Variants in ACTR3C observed in about 807,000 individuals in gnomAD.
ACTR3C encodes actin related protein 3C.
ACTR3C carries 18 observed loss-of-function variants against 26.3 expected under a neutral mutation model. That is an observed-to-expected ratio of 0.68 (90% CI 0.47 to 1.01). The LOEUF is 1.01. Ranked by LOEUF, ACTR3C falls within the 50% of genes least tolerant of loss-of-function variation. ACTR3C has a pLI of 0.00. For synonymous variants in ACTR3C, 55 were observed against 94.5 expected, an observed-to-expected ratio of 0.58 and a Z score of 2.42; for missense variants, 184 against 250.7, an observed-to-expected ratio of 0.73 and a Z score of 1.80.
At chr7:150,249,261 G>T (rs1469361934) in intron 6 of ACTR3C, among the ~76,000 whole-genome samples, 1 of 152,024 alleles carries the variant, frequency 6.6e-6, no homozygotes, top group Non-Finnish European at 1.5e-5. Context: ...AATGAATGAA[G>T]TGCTTTTCCA....
chr7:150,079,161 A>G, the ACTR3C span, among the ~76,000 whole-genome samples: 2 of 152,170 alleles, frequency 1.3e-5, no homozygotes, highest in South Asian at 2.1e-4. Context: ...CAGGTCACTT[A>G]CGTGACTTCT....
At chr7:150,198,080 G>C in the ACTR3C span, among the ~76,000 whole-genome samples, 1 of 151,460 alleles carries the variant, frequency 6.6e-6, no homozygotes, top group Non-Finnish European at 1.5e-5. Flanking sequence ...CCCTAACCGC[G>C]AGTGATCCGC....
the ACTR3C span, among the ~76,000 whole-genome samples, chr7:150,023,142 TAG>T: frequency 1.4e-5 from 1 of 71,086 alleles, no homozygotes; most frequent in African/African-American, 5.1e-5. Context: ...TACATATATA[TAG>T]ATATCTATAT....
the ACTR3C span, among the ~76,000 whole-genome samples, chr7:150,157,204 A>G: frequency 6.6e-6 from 1 of 151,768 alleles, no homozygotes; most frequent in African/African-American, 2.4e-5. Flanking sequence ...AGTGACCTGA[A>G]GACTCATCAG....
chr7:149,974,525 C>A, the ACTR3C span, among the ~76,000 whole-genome samples: 215 of 152,232 alleles, frequency 1.4e-3, 2 homozygotes, highest in African/African-American at 5.1e-3. Flanking sequence ...TTTACATTTC[C>A]ACGTCACCAC....
the ACTR3C span, among the ~76,000 whole-genome samples, chr7:149,986,343 T>C: frequency 2.0e-5 from 3 of 152,248 alleles, no homozygotes; most frequent in Admixed American, 2.0e-4. Context: ...AGGGGTCTGA[T>C]GTGTCTGTGT....
chr7:150,323,344 G>T, intron 1 of ACTR3C, 125 bp downstream of exon 1: 1 of 275,814 alleles, frequency 3.6e-6, no homozygotes, highest in South Asian at 2.8e-5. Flanking sequence ...GGCCCCCTGG[G>T]CGCGTTCCGG....
chr7:150,073,610 AAAC>A, the ACTR3C span: 1 of 148,478 alleles, frequency 6.7e-6, no homozygotes, highest in Non-Finnish European at 1.5e-5. Context: ...TTCCCAAACA[AAAC>A]AAGAAAACAC....
downstream of ACTR3C, among the ~76,000 whole-genome samples, chr7:150,242,472 A>G (rs201552921): frequency 1.7e-4 from 25 of 151,306 alleles, no homozygotes; most frequent in East Asian, 4.8e-3. Context: ...AGGCCTAAAC[A>G]TGTATAAAAT....
the ACTR3C span, among the ~76,000 whole-genome samples, chr7:149,912,338 A>G: frequency 3.4e-3 from 515 of 152,174 alleles, 2 homozygotes; most frequent in African/African-American, 0.012. Context: ...GATATGACTC[A>G]GCGACAGCTG....
At chr7:150,317,941 G>C (rs1429132103) in intron 1 of ACTR3C, among the ~76,000 whole-genome samples, 2 of 151,982 alleles carry the variant, frequency 1.3e-5, no homozygotes, top group East Asian at 3.9e-4. Context: ...AGGAACTATG[G>C]GATGTCTCAC....
chr7:150,285,291 T>C (rs1457720608), intron 5 of ACTR3C, among the ~76,000 whole-genome samples: 3 of 152,212 alleles, frequency 2.0e-5, no homozygotes, highest in Non-Finnish European at 2.9e-5. Flanking sequence ...GTCTAGAAGA[T>C]GCAGGGAAGT....
chr7:149,907,474 T>TC, the ACTR3C span, among the ~76,000 whole-genome samples: 1 of 80,664 alleles, frequency 1.2e-5, no homozygotes, highest in African/African-American at 6.4e-5. Flanking sequence ...TTGCCTCTCT[T>TC]CTCTTCTCTC....
chr7:150,312,488 A>G (rs923607460), intron 1 of ACTR3C, among the ~76,000 whole-genome samples: 27 of 152,212 alleles, frequency 1.8e-4, no homozygotes, highest in Admixed American at 1.4e-3. Flanking sequence ...GTAAAACATT[A>G]TTCCTTTCCT....
the ACTR3C span, among the ~76,000 whole-genome samples, chr7:150,142,636 C>T: frequency 6.6e-6 from 1 of 151,660 alleles, no homozygotes; most frequent in Non-Finnish European, 1.5e-5. Context: ...TCAAGCGATT[C>T]TCCTGCCTTA....
chr7:150,222,077 G>A, the ACTR3C span, among the ~76,000 whole-genome samples: 2 of 149,290 alleles, frequency 1.3e-5, no homozygotes, highest in Admixed American at 6.7e-5. Context: ...TAGTTCTTCC[G>A]TTATTTGCTG....
At chr7:149,994,923 C>T in the ACTR3C span, among the ~76,000 whole-genome samples, 9 of 145,490 alleles carry the variant, frequency 6.2e-5, no homozygotes, top group East Asian at 4.1e-4. Flanking sequence ...GGAGTGATCT[C>T]GGCTCACTGA....
intron 3 of ACTR3C, among the ~76,000 whole-genome samples, chr7:150,289,970 A>T (rs1836106778): frequency 6.6e-6 from 1 of 152,214 alleles, no homozygotes; most frequent in Non-Finnish European, 1.5e-5. Flanking sequence ...TTATTTATAA[A>T]TTGTTAAGCC....
the ACTR3C span, among the ~76,000 whole-genome samples, chr7:150,123,919 T>G: frequency 1.3e-5 from 2 of 152,166 alleles, no homozygotes; most frequent in Admixed American, 6.5e-5. Context: ...GGCTGAGCTC[T>G]CCTGGTGGAG....
Sources: allele counts gnomAD v4.1 joint callset (sites outside exome capture counted in the v4.1 genomes callset), GRCh38; gene constraint gnomAD v4.1.1; transcripts MANE v1.5; gene names NCBI Gene and HGNC (gene_info 2026-07-23, HGNC 2026-07-21).